The following UACA variants were observed in gnomAD, a reference collection of about 807,000 sequenced individuals.
The protein encoded by UACA is uveal autoantigen with coiled-coil domains and ankyrin repeats.
A neutral mutation model predicts 160.5 loss-of-function variants in UACA; 112 were observed. The ratio of observed to expected loss-of-function variants is 0.70; its 90% CI spans 0.60 to 0.82. The LOEUF (loss-of-function observed/expected upper bound fraction) is 0.82. UACA is among the 40% of genes least tolerant of loss of function. The pLI, the probability that UACA is intolerant of heterozygous loss-of-function variation, is 0.00. For missense variants in UACA, 1,574 were observed against 1,614.6 expected, an observed-to-expected ratio of 0.97 and a Z score of 0.43; for synonymous variants, 557 against 568.4, an observed-to-expected ratio of 0.98 and a Z score of 0.29.
In UACA at chr15:70,701,832, T is replaced by C. The variant is rs1898373846; in HGVS notation, c.79-2172A>G. 4 of 1,558,604 alleles carry C rather than the reference T, an allele frequency of 2.6e-6. No individual in the cohort carries two copies. In the South Asian group the frequency reaches 4.7e-5, roughly 18 times the overall value. ...TTTTAAAAGAACACAGTTCAGAAAG[T>C]CTAACCAAGAATCTTTTGTTACACT... is the stretch of plus-strand genomic sequence containing the variant. On this transcript the variant is annotated intron_variant, in intron 1 of 18. Coordinates refer to ENST00000322954, the MANE Select transcript of UACA (RefSeq NM_018003.4).
At chr15:70,774,479 G>A in the UACA span, among the ~76,000 whole-genome samples, 1 of 149,616 alleles carries the variant, frequency 6.7e-6, no homozygotes, top group Non-Finnish European at 1.5e-5. Flanking sequence ...CCAGGAGGCG[G>A]AGCTTGCAGT....
At chr15:70,774,041 G>C in the UACA span, among the ~76,000 whole-genome samples, 1,881 of 152,250 alleles carry the variant, frequency 0.012, 41 homozygotes, top group African/African-American at 0.044. Flanking sequence ...ACCCTTTTCT[G>C]TATGTATACC....
chr15:70,710,564 G>C (rs1898654629), intron 1 of UACA, among the ~76,000 whole-genome samples: 3 of 152,100 alleles, frequency 2.0e-5, no homozygotes, highest in Admixed American at 2.0e-4. Flanking sequence ...CCACCCTTCA[G>C]ATGCCAACTG....
chr15:70,685,171 CAT>C (rs781117203), intron 7 of UACA, among the ~76,000 whole-genome samples: 4 of 152,130 alleles, frequency 2.6e-5, no homozygotes, highest in Non-Finnish European at 5.9e-5. Context: ...CAACATGGAT[CAT>C]TGCTTTATTC....
chr15:70,660,651 G>A (rs918541081), intron 17 of UACA: 1 of 154,414 alleles, frequency 6.5e-6, no homozygotes, highest in African/African-American at 2.4e-5. Flanking sequence ...ATACATGAGA[G>A]AATCCAAATT....
chr15:70,679,552 A>ACTACAAAT, intron 10 of UACA, 56 bp downstream of exon 10: 4 of 1,209,150 alleles, frequency 3.3e-6, no homozygotes, highest in Non-Finnish European at 4.7e-6. Context: ...TCTCAATCCC[A>ACTACAAAT]CTACAAATAC....
At chr15:70,767,211 G>A (rs1243732310), upstream of UACA, among the ~76,000 whole-genome samples, 1 of 138,738 alleles carries the variant, frequency 7.2e-6, no homozygotes, top group East Asian at 2.1e-4. Context: ...CTGCACTCCG[G>A]CCTGAGCGAC....
intron 2 of UACA, among the ~76,000 whole-genome samples, chr15:70,697,567 T>C (rs1898174473): frequency 6.6e-6 from 1 of 152,256 alleles, no homozygotes; most frequent in Admixed American, 6.5e-5. Context: ...TGTTCTTTTG[T>C]CTTAAATTTA....
chr15:70,667,342 C>G lies in UACA; in HGVS notation c.3342G>C (p.Leu1114Phe). ...QNLLQKQHVPLEQVEALKKSL... is the reference protein window; with the variant it reads ...QNLLQKQHVPFEQVEALKKSL... Reference sequence around the variant, plus strand: ...ATTTTTTCAGAGCCTCAACCTGTTCCAATGGAACATGTTGTTTTTGCAAAA... The same window carrying G: ...ATTTTTTCAGAGCCTCAACCTGTTCGAATGGAACATGTTGTTTTTGCAAAA... Residue 1114 changes from leucine to phenylalanine, a missense_variant, in exon 16 of 19, where the codon TTG becomes TTC. By Grantham distance (22) the Leu-to-Phe change is conservative. Coordinates refer to ENST00000322954, the MANE Select transcript of UACA (RefSeq NM_018003.4). The G allele has an allele frequency of 6.2e-7, 1 of 1,612,882 alleles. No homozygotes were observed. The highest frequency in any genetic ancestry group is 8.5e-7 in the Non-Finnish European group (1 of 1,179,806).
At chr15:70,769,692 A>G in the UACA span, among the ~76,000 whole-genome samples, 6 of 152,184 alleles carry the variant, frequency 3.9e-5, no homozygotes, top group African/African-American at 1.2e-4. Flanking sequence ...AGGAACCCAT[A>G]TAAGTGTAGA....
At chr15:70,663,438 G>C (rs1896790406) in intron 17 of UACA, among the ~76,000 whole-genome samples, 1 of 152,192 alleles carries the variant, frequency 6.6e-6, no homozygotes, top group Admixed American at 6.5e-5. Flanking sequence ...AACTATTGTG[G>C]AAGTCAGTGT....
chr15:70,676,433 T>C, intron 13 of UACA, 60 bp downstream of exon 13: 8 of 1,177,118 alleles, frequency 6.8e-6, no homozygotes, highest in Non-Finnish European at 9.8e-6. Context: ...TCAAGTCTGA[T>C]GCCAAGAGCC....
intron 13 of UACA, among the ~76,000 whole-genome samples, chr15:70,675,997 G>A (rs1012206584): frequency 2.0e-5 from 3 of 152,100 alleles, no homozygotes; most frequent in Admixed American, 1.3e-4. Context: ...TCTTTATTTT[G>A]TTACAGCAGC....
chr15:70,687,460 GAA>G, intron 7 of UACA, 78 bp downstream of exon 7: 1 of 1,368,260 alleles, frequency 7.3e-7, no homozygotes, highest in Non-Finnish European at 1.0e-6. Flanking sequence ...CCAAGTCAGA[GAA>G]CAGAGCTGCT....
Position 70,668,922 on chromosome 15 carries a change from T to C in UACA, c.1762A>G (p.Asn588Asp). Residue 588 changes from asparagine (N) to aspartate (D), a missense_variant, in exon 16 of 19, where the codon AAT (asparagine) becomes GAT (aspartate). Coordinates refer to ENST00000322954, the MANE Select transcript of UACA (RefSeq NM_018003.4). ...CTAAGTTCCTTCTGTAATCGCTTAT[T>C]TTCTTCTATCAGCTTGCCTTCATCC... is the stretch of plus-strand genomic sequence containing the variant. ...KRDEGKLIEE[N>D]KRLQKELSMC... 6.2e-7 allele frequency: 1 copy of C among 1,613,540 alleles called. No individual in the cohort carries two copies. The highest frequency in any genetic ancestry group is 1.1e-5 in the South Asian group (1 of 90,980).
At chr15:70,671,936 G>C in intron 14 of UACA, 29 bp downstream of exon 14, 1 of 1,569,932 alleles carries the variant, frequency 6.4e-7, no homozygotes. Context: ...TAGGTGAACT[G>C]TAATGATAAT....
chr15:70,712,724 T>G (rs920003187), intron 1 of UACA, among the ~76,000 whole-genome samples: 6 of 152,224 alleles, frequency 3.9e-5, no homozygotes, highest in Non-Finnish European at 7.3e-5. Context: ...AAGGCAAATG[T>G]AATTAGTTGC....
At chr15:70,770,768 A>G in the UACA span, among the ~76,000 whole-genome samples, 1 of 152,224 alleles carries the variant, frequency 6.6e-6, no homozygotes, top group Admixed American at 6.5e-5. Flanking sequence ...TAAAAGGCAT[A>G]TTTCTTCTAC....
At chr15:70,759,665 A>G (rs1371347072) in intron 1 of UACA, among the ~76,000 whole-genome samples, 10 of 152,222 alleles carry the variant, frequency 6.6e-5, no homozygotes, top group Non-Finnish European at 1.2e-4. Context: ...CGAAAAATAA[A>G]TAAATAAATA....
Sources: gnomAD v4.1 joint callset for allele counts (sites outside exome capture counted in the v4.1 genomes callset) on GRCh38, gnomAD v4.1.1 for gene constraint, MANE v1.5 for transcripts, NCBI Gene and HGNC (gene_info 2026-07-23, HGNC 2026-07-21) for gene names.